KDM4B: variants seen among roughly 807,000 people sequenced by gnomAD.
KDM4B encodes lysine-specific demethylase 4B.
Under a neutral mutation model 125.2 loss-of-function variants are expected in KDM4B, and 32 were observed. The observed-to-expected ratio is 0.26, with a 90% CI of 0.19 to 0.34. The LOEUF (loss-of-function observed/expected upper bound fraction) is 0.34. Among genes scored for constraint, KDM4B ranks in the 10% least tolerant of loss-of-function variants. KDM4B has a pLI of 1.00. For synonymous variants in KDM4B, 721 were observed against 677.9 expected, an observed-to-expected ratio of 1.06 and a Z score of -0.99; for missense variants, 1,190 against 1,577.7, an observed-to-expected ratio of 0.75 and a Z score of 4.16.
intron 1 of KDM4B, among the ~76,000 whole-genome samples, chr19:4,974,550 C>A (rs971990222): frequency 6.6e-6 from 1 of 151,690 alleles, no homozygotes; most frequent in East Asian, 1.9e-4. Flanking sequence ...ACCAGCCTGG[C>A]CAACATAGTG....
At position 5,081,898 on chromosome 19, in the gene KDM4B, C is replaced by T. The variant is rs1411378597; in HGVS notation, c.781-469C>T. ...AGCACTCTAAAGCTGCTGTCAGCAC[C>T]ACCCGCCCCGAAACCAGCCCCAGCT... On this transcript the variant is annotated intron_variant, in intron 8 of 22. Transcript: ENST00000159111. This position sits in a 1 kb window ranked among gnomAD's most constrained non-coding sequence, Gnocchi z 4.2. 6.6e-6 allele frequency among the ~76,000 whole-genome samples: 1 copy of T among 152,234 alleles called. No individual in the cohort carries two copies. The highest frequency in any genetic ancestry group is 1.5e-5 in the Non-Finnish European group (1 of 68,038).
At chr19:5,023,601 G>A (rs62114352) in intron 2 of KDM4B, among the ~76,000 whole-genome samples, 10,861 of 152,122 alleles carry the variant, frequency 0.071, 776 homozygotes, top group East Asian at 0.32. Flanking sequence ...ACTCACTGGG[G>A]CCGCATGGGG....
chr19:5,067,680 G>A (rs375042852), intron 6 of KDM4B, among the ~76,000 whole-genome samples: 6 of 152,190 alleles, frequency 3.9e-5, no homozygotes, highest in African/African-American at 1.4e-4. Flanking sequence ...GGCAGGGCCC[G>A]TGCAGGTCAT....
intron 9 of KDM4B, among the ~76,000 whole-genome samples, chr19:5,094,921 C>T: frequency 6.6e-6 from 1 of 152,198 alleles, no homozygotes; most frequent in Non-Finnish European, 1.5e-5. Context: ...ATCGCCGTCA[C>T]CACAGACAGT....
chr19:5,126,628 A>T (rs1285503131), intron 11 of KDM4B, among the ~76,000 whole-genome samples: 1 of 152,184 alleles, frequency 6.6e-6, no homozygotes, highest in Non-Finnish European at 1.5e-5. Flanking sequence ...CTGGTTTTAG[A>T]ACACGGAAAG....
chr19:4,990,046 T>C (rs1311987881), intron 1 of KDM4B, among the ~76,000 whole-genome samples: 2 of 152,020 alleles, frequency 1.3e-5, no homozygotes, highest in African/African-American at 4.8e-5. Flanking sequence ...TCCAAGCGCT[T>C]TGGGGGGCTG....
At chr19:5,108,578 C>T (rs1237653294) in intron 9 of KDM4B, among the ~76,000 whole-genome samples, 2 of 152,164 alleles carry the variant, frequency 1.3e-5, no homozygotes. Context: ...TGAGTGTCTC[C>T]AAGCAAAGTG....
chr19:4,985,876 T>A (rs61560961), intron 1 of KDM4B, among the ~76,000 whole-genome samples: 8,403 of 152,252 alleles, frequency 0.055, 693 homozygotes, highest in African/African-American at 0.17. Flanking sequence ...CAAGGCTGTG[T>A]GTGTCTCAGG....
chr19:4,973,464 C>G (rs561207907), intron 1 of KDM4B, among the ~76,000 whole-genome samples: 3 of 152,164 alleles, frequency 2.0e-5, no homozygotes, highest in African/African-American at 7.2e-5. Context: ...GCTGGGATTA[C>G]AGGCATGAGC....
At chr19:5,089,344 G>A (rs550923154) in intron 9 of KDM4B, among the ~76,000 whole-genome samples, 1 of 152,326 alleles carries the variant, frequency 6.6e-6, no homozygotes, top group East Asian at 1.9e-4. Flanking sequence ...TCTGGAACAC[G>A]TGCATACCGG....
intron 7 of KDM4B, chr19:5,075,927 C>T (rs1280477683): frequency 2.6e-5 from 4 of 156,538 alleles, no homozygotes; most frequent in African/African-American, 9.6e-5. Flanking sequence ...GGTGCACAGT[C>T]TCATTCATGG....
At chr19:5,021,027 A>T (rs1346119568) in intron 2 of KDM4B, among the ~76,000 whole-genome samples, 2 of 151,824 alleles carry the variant, frequency 1.3e-5, no homozygotes, top group Non-Finnish European at 2.9e-5. Context: ...TGTGCCTACA[A>T]TCCCAGCTAC....
chr19:4,982,371 G>A (rs1310412397), intron 1 of KDM4B, among the ~76,000 whole-genome samples: 1 of 142,312 alleles, frequency 7.0e-6, no homozygotes, highest in Non-Finnish European at 1.5e-5. Flanking sequence ...AGAATCTCTT[G>A]AACCTGAGAG....
At chr19:5,002,615 A>C (rs538118703) in intron 1 of KDM4B, among the ~76,000 whole-genome samples, 2 of 151,582 alleles carry the variant, frequency 1.3e-5, no homozygotes, top group Non-Finnish European at 2.9e-5. Context: ...TGGCCTCCCA[A>C]GCAGCTGAAA....
chr19:4,985,474 T>A (rs752517157), intron 1 of KDM4B, among the ~76,000 whole-genome samples: 2 of 152,202 alleles, frequency 1.3e-5, no homozygotes, highest in Non-Finnish European at 2.9e-5. Flanking sequence ...TTAGAGGTGG[T>A]AGAATGTTCT....
Position 5,136,371 on chromosome 19 carries a change from G to A in KDM4B, c.2308+810G>A, listed in dbSNP as rs564317342. The stretch of plus-strand genomic sequence containing the variant: ...CACGGGGGGGCGGTGGCAGGAATTG[G>A]ACTTTCAGGGAAGGAGGAGGGCTCT... On this transcript the variant is annotated intron_variant, in intron 15 of 22. Transcript: ENST00000159111. 2.7e-3 allele frequency among the ~76,000 whole-genome samples: 413 copies of A among 152,346 alleles called. 2 individuals are homozygous for A. Among genetic ancestry groups the A allele is most frequent in the Non-Finnish European group, 4.2e-3 (288 of 68,024 alleles).
rs188808583 is a variant in KDM4B, at chr19:5,054,805, G to T, written c.626+7136G>T. ...CACATGGGAGCTATGAATGGCAGCT[G>T]TGTTTTCCCTGGCCTGGTCCCCTCC... On this transcript the variant is annotated intron_variant, in intron 6 of 22. Coordinates refer to ENST00000159111, the MANE Select transcript of KDM4B (RefSeq NM_015015.3). Among the ~76,000 whole-genome samples, 7 of 152,322 alleles carry T rather than the reference G, an allele frequency of 4.6e-5. No homozygotes were observed. The East Asian group carries it at 1.4e-3, about 29-fold the overall frequency.
At chr19:5,147,659 CTT>C (rs2039874372) in intron 21 of KDM4B, among the ~76,000 whole-genome samples, 1 of 149,676 alleles carries the variant, frequency 6.7e-6, no homozygotes, top group South Asian at 2.1e-4. Context: ...GGGAGGATCA[CTT>C]GAGCCTGGGA....
intron 9 of KDM4B, among the ~76,000 whole-genome samples, chr19:5,094,989 C>T (rs534183270): frequency 2.0e-5 from 3 of 151,684 alleles, no homozygotes; most frequent in Admixed American, 6.5e-5. Context: ...GGGGCGGCGC[C>T]GGGGGCGGGG....
Sources: allele counts gnomAD v4.1 joint callset (sites outside exome capture counted in the v4.1 genomes callset), GRCh38; gene constraint gnomAD v4.1.1; non-coding constraint Gnocchi (gnomAD v3.1); transcripts MANE v1.5; gene names NCBI Gene and HGNC (gene_info 2026-07-23, HGNC 2026-07-21).